CACUL1: variants seen among roughly 807,000 people sequenced by gnomAD.
CACUL1 encodes CDK2 associated cullin domain 1, also known as CDK2-associated and cullin domain-containing protein 1.
CACUL1 carries 13 observed loss-of-function variants against 45.2 expected under a neutral mutation model. The observed-to-expected ratio is 0.29, with a 90% CI of 0.19 to 0.46. The LOEUF (loss-of-function observed/expected upper bound fraction) is 0.46, where lower values mean the gene tolerates loss of function less well. Ranked by LOEUF, CACUL1 falls within the 20% of genes least tolerant of loss-of-function variation. The pLI, the probability that CACUL1 is intolerant of heterozygous loss-of-function variation, is 1.00. For synonymous variants in CACUL1, 197 were observed against 174.2 expected, an observed-to-expected ratio of 1.13 and a Z score of -1.03; for missense variants, 421 against 471.4, an observed-to-expected ratio of 0.89 and a Z score of 0.99.
intron 4 of CACUL1, among the ~76,000 whole-genome samples, chr10:118,701,617 A>G (rs1347418526): frequency 1.3e-5 from 2 of 152,230 alleles, no homozygotes; most frequent in East Asian, 1.9e-4. Context: ...TTTGAACTAT[A>G]CATCTTCAAA....
chr10:118,714,124 T>G (rs1007122237), intron 3 of CACUL1, among the ~76,000 whole-genome samples: 1 of 152,264 alleles, frequency 6.6e-6, no homozygotes, highest in Non-Finnish European at 1.5e-5. Flanking sequence ...CCTAGCTTAA[T>G]AGAAGACAGC....
chr10:118,754,041 A>C (rs779421445), intron 1 of CACUL1, among the ~76,000 whole-genome samples: 4 of 152,052 alleles, frequency 2.6e-5, no homozygotes, highest in Non-Finnish European at 4.4e-5. Flanking sequence ...TTTTCCCCTC[A>C]CTTTGAGGGT....
At chr10:118,701,261 G>C (rs771402276) in intron 5 of CACUL1, 45 bp downstream of exon 5, 1 of 1,055,084 alleles carries the variant, frequency 9.5e-7, no homozygotes, top group Non-Finnish European at 1.4e-6. Context: ...AAAAAGGAAA[G>C]ATCATTGCTA....
chr10:118,689,882 A>G (rs911372218), intron 7 of CACUL1, among the ~76,000 whole-genome samples: 4 of 152,260 alleles, frequency 2.6e-5, no homozygotes, highest in Non-Finnish European at 5.9e-5. Flanking sequence ...TTTTAAAGGT[A>G]TAAACTCATC....
chr10:118,710,205 T>C (rs1564832289), intron 3 of CACUL1, among the ~76,000 whole-genome samples: 1 of 151,740 alleles, frequency 6.6e-6, no homozygotes, highest in African/African-American at 2.4e-5. Context: ...GGATTACAGG[T>C]GTGAGCCACC....
intron 6 of CACUL1, among the ~76,000 whole-genome samples, chr10:118,694,394 C>G (rs1418641719): frequency 1.3e-5 from 2 of 152,050 alleles, no homozygotes; most frequent in Non-Finnish European, 2.9e-5. Flanking sequence ...TCATTTAATC[C>G]TCAAACAACA....
At chr10:118,746,133 C>T (rs894792626) in intron 1 of CACUL1, among the ~76,000 whole-genome samples, 1 of 135,114 alleles carries the variant, frequency 7.4e-6, no homozygotes, top group African/African-American at 2.8e-5. Context: ...GCCTGGGCAA[C>T]AGAGCGAGAC....
At chr10:118,731,488 T>A (rs1395788242) in intron 1 of CACUL1, among the ~76,000 whole-genome samples, 3 of 152,240 alleles carry the variant, frequency 2.0e-5, no homozygotes, top group African/African-American at 4.8e-5. Flanking sequence ...CTTCTGTTAT[T>A]TAATTTTATT....
intron 1 of CACUL1, among the ~76,000 whole-genome samples, chr10:118,733,589 G>A (rs1845716914): frequency 6.6e-6 from 1 of 152,138 alleles, no homozygotes; most frequent in African/African-American, 2.4e-5. Flanking sequence ...CTAGCTATTT[G>A]TTCAGTTTAA....
At chr10:118,725,981 A>T (rs1032842055) in intron 3 of CACUL1, among the ~76,000 whole-genome samples, 2 of 152,220 alleles carry the variant, frequency 1.3e-5, no homozygotes, top group Admixed American at 1.3e-4. Flanking sequence ...GATGCCCTTG[A>T]CTGAGGCTGA....
intron 3 of CACUL1, 114 bp from the exon 4 acceptor site, chr10:118,707,701 CAAA>C (rs879008510): frequency 2.3e-3 from 770 of 328,426 alleles, no homozygotes; most frequent in South Asian, 7.5e-3. Flanking sequence ...TCACAATTAA[CAAA>C]AAAAAAAAAA....
Position 118,754,547 on chromosome 10 carries a change from C to G in CACUL1, c.216G>C (p.Glu72Asp), listed in dbSNP as rs1415112957. 1 of 1,612,480 alleles carries G rather than the reference C, an allele frequency of 6.2e-7. No individual in the cohort carries two copies. The highest frequency in any genetic ancestry group is 8.5e-7 in the Non-Finnish European group (1 of 1,179,462). The change falls in exon 1 of 9, where the codon GAG (glutamate) becomes GAC (aspartate). Residue 72 changes from glutamate (E) to aspartate (D), a missense_variant. Around this residue, in one of 2 missense-constraint regions of CACUL1, gnomAD observed 213 missense variants for 173.1 expected, o/e 1.23. Coordinates refer to ENST00000369151, the MANE Select transcript of CACUL1 (RefSeq NM_153810.5). Reference protein sequence around the residue: ...AVSVDRKGPKEGLPMGPQPPP... With the variant: ...AVSVDRKGPKDGLPMGPQPPP... The stretch of plus-strand genomic sequence containing the variant: ...GTGGCTGCGGCCCCATCGGGAGCCC[C>G]TCCTTGGGGCCTTTCCTGTCCACGG...
chr10:118,740,631 A>T (rs965890941), intron 1 of CACUL1, among the ~76,000 whole-genome samples: 8 of 151,620 alleles, frequency 5.3e-5, no homozygotes, highest in East Asian at 1.9e-4. Context: ...AAATTTTTTT[A>T]AAACTGTGAT....
chr10:118,729,522 C>T (rs1320714151), intron 2 of CACUL1, 125 bp from the exon 3 acceptor site: 2 of 667,638 alleles, frequency 3.0e-6, no homozygotes, highest in Non-Finnish European at 5.2e-6. Context: ...AAAAAGTAAC[C>T]AATCACAACT....
intron 7 of CACUL1, 56 bp from the exon 8 acceptor site, chr10:118,686,697 A>AG (rs1554893845): frequency 9.2e-6 from 11 of 1,192,540 alleles, no homozygotes; most frequent in Admixed American, 1.7e-5. Flanking sequence ...ACAGGAGGAA[A>AG]GGATCAACAT....
At chr10:118,726,210 G>A (rs1454004886) in intron 3 of CACUL1, 5 of 761,920 alleles carry the variant, frequency 6.6e-6, no homozygotes, top group East Asian at 1.3e-4. Context: ...ACTGCCTTAA[G>A]GTCTCTATAA....
chr10:118,740,984 T>C (rs1186611602), intron 1 of CACUL1, among the ~76,000 whole-genome samples: 3 of 150,934 alleles, frequency 2.0e-5, no homozygotes, highest in Non-Finnish European at 4.4e-5. Flanking sequence ...GTAAGGTATG[T>C]TAGAGGTATA....
At chr10:118,700,832 C>T (rs1845372753) in intron 5 of CACUL1, among the ~76,000 whole-genome samples, 1 of 151,712 alleles carries the variant, frequency 6.6e-6, no homozygotes, top group South Asian at 2.1e-4. Flanking sequence ...GGAGAGAAAA[C>T]TCAGGGCCAC....
At chr10:118,721,597 C>T (rs1175356186) in intron 3 of CACUL1, among the ~76,000 whole-genome samples, 1 of 151,992 alleles carries the variant, frequency 6.6e-6, no homozygotes, top group Non-Finnish European at 1.5e-5. Flanking sequence ...GTGGTCTCTC[C>T]TCAACAGGAC....
Sources: gnomAD v4.1 joint callset for allele counts (sites outside exome capture counted in the v4.1 genomes callset) on GRCh38, gnomAD v4.1.1 for gene constraint, gnomAD v4.1.1 regional missense constraint, MANE v1.5 for transcripts, NCBI Gene and HGNC (gene_info 2026-07-23, HGNC 2026-07-21) for gene names.